PDE4B: variants seen among roughly 807,000 people sequenced by gnomAD.
The protein encoded by PDE4B is phosphodiesterase 4B.
Under a neutral mutation model 82.2 loss-of-function variants are expected in PDE4B, and 20 were observed. The observed-to-expected ratio is 0.24, with a 90% CI of 0.17 to 0.35. The LOEUF (loss-of-function observed/expected upper bound fraction) is 0.35, where lower values mean the gene tolerates loss of function less well. Ranked by LOEUF, PDE4B falls within the 10% of genes least tolerant of loss-of-function variation. The pLI, the probability that PDE4B is intolerant of heterozygous loss-of-function variation, is 1.00. For synonymous variants in PDE4B, 320 were observed against 318.9 expected, an observed-to-expected ratio of 1.00 and a Z score of -0.04; for missense variants, 655 against 907.2, an observed-to-expected ratio of 0.72 and a Z score of 3.57.
At chr1:65,853,630 A>G (rs1421047701) in intron 1 of PDE4B, among the ~76,000 whole-genome samples, 4 of 151,904 alleles carry the variant, frequency 2.6e-5, no homozygotes, top group Non-Finnish European at 5.9e-5. Context: ...CTCAGGTTCA[A>G]GTGATTCTCC....
intron 3 of PDE4B, among the ~76,000 whole-genome samples, chr1:65,960,544 A>C (rs187327154): frequency 2.0e-5 from 3 of 152,202 alleles, no homozygotes; most frequent in Admixed American, 1.3e-4. Context: ...TTAGGTCATG[A>C]CTTTAGGCAG....
intron 3 of PDE4B, among the ~76,000 whole-genome samples, chr1:66,064,526 C>A (rs967411406): frequency 6.6e-6 from 1 of 151,936 alleles, no homozygotes; most frequent in African/African-American, 2.4e-5. Context: ...TCTCTTTTGC[C>A]CTCCAATTTC....
intron 7 of PDE4B, among the ~76,000 whole-genome samples, chr1:66,328,509 A>G (rs1659887881): frequency 6.6e-6 from 1 of 152,234 alleles, no homozygotes. Flanking sequence ...CATATTTGCC[A>G]TCTTAAAACT....
intron 3 of PDE4B, among the ~76,000 whole-genome samples, chr1:65,930,069 AGAGT>A (rs1647746295): frequency 6.6e-6 from 1 of 152,170 alleles, no homozygotes. Flanking sequence ...AGAAGCAAGG[AGAGT>A]GAGTCTGAGT....
Position 65,883,013 on chromosome 1 carries a change from G to A in PDE4B, c.-70-30232G>A, listed in dbSNP as rs1322339938. Among the ~76,000 whole-genome samples the A allele has an allele frequency of 2.0e-5, 3 of 152,074 alleles. 1 individual carries two copies. The highest frequency in any genetic ancestry group is 4.1e-4 in the South Asian group (2 of 4,822). ...CATTATTATTTATCTGACCTTGGGC[G>A]AACCATTTGTCCTTTGTGAGCTTCA... is the stretch of plus-strand genomic sequence containing the variant. On this transcript the variant is annotated intron_variant, in intron 1 of 16. Coordinates refer to ENST00000341517, the MANE Select transcript of PDE4B (RefSeq NM_002600.4).
chr1:66,332,543 G>A lies in PDE4B; in HGVS notation c.670G>A (p.Glu224Lys). The A allele has an allele frequency of 6.2e-7, 1 of 1,614,152 alleles. No homozygotes were observed. The highest frequency in any genetic ancestry group is 8.5e-7 in the Non-Finnish European group (1 of 1,180,006). Residue 224 changes from glutamate to lysine, a missense_variant, in exon 8 of 17, where the codon GAG (glutamate) becomes AAG (lysine). Glu to Lys is a moderately conservative substitution (Grantham distance 56). Around this residue, in one of 3 missense-constraint regions of PDE4B, gnomAD observed 253 missense variants for 275.6 expected, o/e 0.92. Coordinates refer to ENST00000341517, the MANE Select transcript of PDE4B (RefSeq NM_002600.4). ...SYQKLAMETL[E>K]ELDWCLDQLE... Reference sequence around the variant, plus strand: ...TCAAAAATTAGCAATGGAAACGCTGGAGGAATTAGACTGGTGTTTAGACCA... The same window carrying A: ...TCAAAAATTAGCAATGGAAACGCTGAAGGAATTAGACTGGTGTTTAGACCA...
intron 3 of PDE4B, among the ~76,000 whole-genome samples, chr1:65,924,731 A>G (rs1647407491): frequency 1.3e-5 from 2 of 152,214 alleles, no homozygotes; most frequent in Admixed American, 6.5e-5. Flanking sequence ...AACCTGATCA[A>G]CATGGTTGTT....
chr1:66,248,776 A>T (rs1397610769), intron 4 of PDE4B, among the ~76,000 whole-genome samples: 1 of 152,258 alleles, frequency 6.6e-6, no homozygotes, highest in African/African-American at 2.4e-5. Context: ...AATAAGAAAG[A>T]TAAGAGGAAC....
At chr1:66,151,459 T>G (rs1195246968) in intron 3 of PDE4B, among the ~76,000 whole-genome samples, 1 of 152,170 alleles carries the variant, frequency 6.6e-6, no homozygotes, top group African/African-American at 2.4e-5. Context: ...CTTCCAGGCA[T>G]TGTGTTAAGT....
intron 3 of PDE4B, among the ~76,000 whole-genome samples, chr1:65,968,552 A>G (rs1649972970): frequency 6.6e-6 from 1 of 151,888 alleles, no homozygotes; most frequent in Non-Finnish European, 1.5e-5. Context: ...ATGGGAAGTT[A>G]TTCTTATTGG....
At chr1:66,274,768 A>G (rs1655755289) in intron 7 of PDE4B, among the ~76,000 whole-genome samples, 1 of 152,230 alleles carries the variant, frequency 6.6e-6, no homozygotes, top group Admixed American at 6.5e-5. Flanking sequence ...GTTATATAAC[A>G]TGACTCAGAT....
intron 3 of PDE4B, among the ~76,000 whole-genome samples, chr1:66,076,253 C>G (rs900707853): frequency 5.3e-5 from 8 of 152,078 alleles, no homozygotes; most frequent in African/African-American, 1.7e-4. Flanking sequence ...GTTTAGCTCC[C>G]ACTTGTAAGT....
chr1:65,876,796 C>T (rs1381891341), intron 1 of PDE4B, among the ~76,000 whole-genome samples: 1 of 152,014 alleles, frequency 6.6e-6, no homozygotes, highest in Non-Finnish European at 1.5e-5. Flanking sequence ...TGTGATCATT[C>T]ATAATTGCTA....
chr1:66,159,195 A>G (rs1302469054), intron 3 of PDE4B, among the ~76,000 whole-genome samples: 3 of 152,148 alleles, frequency 2.0e-5, no homozygotes, highest in Non-Finnish European at 4.4e-5. Context: ...CATCACACTT[A>G]CCCCATAAAT....
chr1:65,887,422 T>G (rs1646802829), intron 1 of PDE4B, among the ~76,000 whole-genome samples: 1 of 64,628 alleles, frequency 1.5e-5, no homozygotes, highest in East Asian at 3.9e-4. Flanking sequence ...CTGTTTTTTT[T>G]TTTTTTTTTT....
intron 1 of PDE4B, among the ~76,000 whole-genome samples, chr1:65,796,621 G>A: frequency 6.8e-6 from 1 of 147,390 alleles, no homozygotes; most frequent in East Asian, 2.0e-4. Flanking sequence ...TTAGTTTCTA[G>A]AGAATTTGTA....
At chr1:66,101,546 T>C (rs1296754695) in intron 3 of PDE4B, among the ~76,000 whole-genome samples, 1 of 152,230 alleles carries the variant, frequency 6.6e-6, no homozygotes, top group African/African-American at 2.4e-5. Flanking sequence ...AAATGGTATC[T>C]CACTGTAGTT....
chr1:66,332,256 C>T, intron 7 of PDE4B: 1 of 1,466,120 alleles, frequency 6.8e-7, no homozygotes, highest in Non-Finnish European at 9.0e-7. Context: ...GAGGAAGTTT[C>T]TTGGTAGATC....
At chr1:66,308,776 A>G (rs1658462930) in intron 7 of PDE4B, among the ~76,000 whole-genome samples, 1 of 152,206 alleles carries the variant, frequency 6.6e-6, no homozygotes, top group South Asian at 2.1e-4. Flanking sequence ...GCCCATAAAC[A>G]AAAGATTATG....
Sources: gnomAD v4.1 joint callset for allele counts (sites outside exome capture counted in the v4.1 genomes callset) on GRCh38, gnomAD v4.1.1 for gene constraint, gnomAD v4.1.1 regional missense constraint, MANE v1.5 for transcripts, NCBI Gene and HGNC (gene_info 2026-07-23, HGNC 2026-07-21) for gene names.